The following INSYN1 variants were observed in gnomAD, a reference collection of about 807,000 sequenced individuals.
The protein encoded by INSYN1 is UPF0583 protein C15orf59.
Under a neutral mutation model 17.1 loss-of-function variants are expected in INSYN1, and 7 were observed. The observed-to-expected ratio is 0.41, with a 90% CI of 0.23 to 0.77. The LOEUF is 0.77. Among genes scored for constraint, INSYN1 ranks in the 30% least tolerant of loss-of-function variants. The probability of loss-of-function intolerance (pLI) is 0.32; values close to 1 mark genes in which losing one functional copy is unlikely to be tolerated. For missense variants in INSYN1, 339 were observed against 400.6 expected (o/e 0.85, Z 1.31); for synonymous variants, 174 against 166.3 (o/e 1.05, Z -0.36).
Position 73,735,651 on chromosome 15 carries a change from C to T in INSYN1, c.*4266G>A, listed in dbSNP as rs1313848061. 6.6e-6 allele frequency: 1 copy of T among 152,172 alleles called. No individual in the cohort carries two copies. The highest frequency in any genetic ancestry group is 2.4e-5 in the African/African-American group (1 of 41,426). 9.4% of individuals were successfully genotyped at this position (152,172 alleles called of 1,614,324 possible). On this transcript the variant is annotated 3_prime_UTR_variant, in exon 3 of 3. Transcript: ENST00000569673. ...GACGACCCAGCCCCGACCCTCACCTCCAGTGACCAGGCCACCCACTCCAGG... is the reference window on the plus strand; with the variant it reads ...GACGACCCAGCCCCGACCCTCACCTTCAGTGACCAGGCCACCCACTCCAGG...
rs1437908997 is a variant in INSYN1 at position 73,753,209 on chromosome 15, G to C, written c.-1667C>G. Among the ~76,000 whole-genome samples the C allele has an allele frequency of 6.9e-6, 1 of 144,928 alleles. No homozygotes were observed. Among genetic ancestry groups the C allele is most frequent in the Non-Finnish European group, 1.5e-5 (1 of 65,338 alleles). On this transcript the variant is annotated 5_prime_UTR_variant, in exon 1 of 3. Coordinates refer to ENST00000569673, the MANE Select transcript of INSYN1 (RefSeq NM_001039614.3). The surrounding 1 kb of genome is among the most constrained non-coding windows in gnomAD (Gnocchi z 4.2). ...CTGGGCCCGCTCCCCAAGCGCCGCG[G>C]CGCCGCGCCGCCCGCGCCCCGGCCG...
In INSYN1 at chr15:73,751,100, G is replaced by A; in HGVS notation, c.31C>T (p.Gln11Ter). The A allele has an allele frequency of 6.2e-7, 1 of 1,613,952 alleles. No homozygotes were observed. ...CCACTGCTGGGGTCGTCACTGGGCTGCCCGAGGTCCGGGGCGCCCCGAATG... is the reference window on the plus strand; with the variant it reads ...CCACTGCTGGGGTCGTCACTGGGCTACCCGAGGTCCGGGGCGCCCCGAATG... MNIRGAPDLG[Q>*]PSDDPSSGGE... The change falls in exon 2 of 3, where the codon CAG (glutamine) becomes TAG (stop). Residue 11 changes from glutamine (Q) to a stop codon, truncating the protein, a stop_gained. Coordinates refer to ENST00000569673, the MANE Select transcript of INSYN1 (RefSeq NM_001039614.3). LOFTEE classifies it high-confidence loss of function.
In INSYN1 at chr15:73,751,066, C is replaced by T. The variant is rs779868213; in HGVS notation, c.65G>A (p.Arg22Gln). 21 of 1,613,952 alleles carry T rather than the reference C, an allele frequency of 1.3e-5. No homozygotes were observed. Among genetic ancestry groups the T allele is most frequent in the Admixed American group, 1.7e-5 (1 of 60,008 alleles). The change falls in exon 2 of 3, where the codon CGG becomes CAG. Residue 22 changes from arginine to glutamine, a missense_variant. Arg to Gln is a conservative substitution (Grantham distance 43). Coordinates refer to ENST00000569673, the MANE Select transcript of INSYN1 (RefSeq NM_001039614.3). ...PSDDPSSGGERERIRQRMKMV... is the reference protein window; with the variant it reads ...PSDDPSSGGEQERIRQRMKMV... ...CTTCATGCGCTGTCGAATCCGCTCC[C>T]GCTCACCACCACTGCTGGGGTCGTC...
intron 2 of INSYN1, among the ~76,000 whole-genome samples, chr15:73,746,894 G>T (rs977353932): frequency 1.3e-5 from 2 of 152,112 alleles, no homozygotes. Context: ...AGCTTCTGGT[G>T]GGTGGGTAAC....
At chr15:73,743,542 G>C (rs986854818) in intron 2 of INSYN1, among the ~76,000 whole-genome samples, 1 of 152,064 alleles carries the variant, frequency 6.6e-6, no homozygotes, top group African/African-American at 2.4e-5. Context: ...GATATGGGCC[G>C]GGTGTGGTGG....
chr15:73,751,385 G>A lies in INSYN1; in HGVS notation c.-255C>T. The stretch of plus-strand genomic sequence containing the variant: ...GTCAAGGTGAGGACACAGGAGAGGA[G>A]GGGGAGGGACCTTGGGTCCCAGGAG... On this transcript the variant is annotated 5_prime_UTR_variant, in exon 2 of 3. Coordinates refer to ENST00000569673, the MANE Select transcript of INSYN1 (RefSeq NM_001039614.3). 1 of 511,186 alleles carries A rather than the reference G, an allele frequency of 2.0e-6. No individual in the cohort carries two copies. The highest frequency in any genetic ancestry group is 3.6e-6 in the Non-Finnish European group (1 of 281,426). The allele number at this position is 511,186 out of a possible 1,614,324, so 31.7% of individuals were successfully genotyped here. A position where few individuals can be genotyped will look rare whatever the true frequency, so the allele number is the denominator to read the frequency against.
At chr15:73,747,354 G>C (rs1901862930) in intron 2 of INSYN1, among the ~76,000 whole-genome samples, 1 of 152,206 alleles carries the variant, frequency 6.6e-6, no homozygotes, top group Non-Finnish European at 1.5e-5. Context: ...CCCCAGCCAG[G>C]AGGCCAGGAT....
Position 73,751,057 on chromosome 15 carries a change from A to G in INSYN1, c.74T>C (p.Ile25Thr). ...DPSSGGERER[I>T]RQRMKMVIGQ... ...GATGACCATCTTCATGCGCTGTCGA[A>G]TCCGCTCCCGCTCACCACCACTGCT... The change falls in exon 2 of 3, where the codon ATT becomes ACT. Residue 25 changes from isoleucine (I) to threonine (T), a missense_variant. By Grantham distance (89) the Ile-to-Thr change is moderately conservative. Transcript: ENST00000569673. 6.2e-7 allele frequency: 1 copy of G among 1,613,900 alleles called. No individual in the cohort carries two copies. The highest frequency in any genetic ancestry group is 2.2e-5 in the East Asian group (1 of 44,844).
chr15:73,741,652 G>T (rs1901695009), intron 2 of INSYN1, among the ~76,000 whole-genome samples: 1 of 152,150 alleles, frequency 6.6e-6, no homozygotes, highest in African/African-American at 2.4e-5. Flanking sequence ...AAACAAAACA[G>T]AAAAACAATG....
intron 2 of INSYN1, 152 bp from the exon 3 acceptor site, chr15:73,740,794 T>A (rs117488256): frequency 2.8e-5 from 20 of 710,466 alleles, no homozygotes; most frequent in Non-Finnish European, 4.8e-5. Flanking sequence ...GGCCTGGAGG[T>A]CACAGGTTGG....
intron 2 of INSYN1, 126 bp downstream of exon 2, chr15:73,750,848 GT>G: frequency 9.8e-7 from 1 of 1,022,118 alleles, no homozygotes. Context: ...GAGAAAGAAG[GT>G]CCCCAGTAGA....
At position 73,735,580 on chromosome 15, in the gene INSYN1, C is replaced by G. The variant is rs1901503043; in HGVS notation, c.*4337G>C. The G allele has an allele frequency of 6.6e-6, 1 of 152,132 alleles. No homozygotes were observed. Among genetic ancestry groups the G allele is most frequent in the African/African-American group, 2.4e-5 (1 of 41,428 alleles). The allele number at this position is 152,132 out of a possible 1,614,324, so 9.4% of individuals were successfully genotyped here. On this transcript the variant is annotated 3_prime_UTR_variant, in exon 3 of 3. Coordinates refer to ENST00000569673, the MANE Select transcript of INSYN1 (RefSeq NM_001039614.3). ...AAGACTGAGGCATGTTCACATGTTT[C>G]CTCACCCCAACACTCCCCTCACCCC...
intron 2 of INSYN1, among the ~76,000 whole-genome samples, chr15:73,743,365 G>A (rs978005890): frequency 1.3e-5 from 2 of 152,304 alleles, no homozygotes; most frequent in African/African-American, 4.8e-5. Flanking sequence ...CAACCTGGGG[G>A]GATGGAGGAA....
Position 73,740,268 on chromosome 15 carries a change from C to T in INSYN1, c.531G>A (p.Gln177=), listed in dbSNP as rs1277321047. Residue 177 remains glutamine, a synonymous_variant, in exon 3 of 3, where the codon CAG becomes CAA. Transcript: ENST00000569673. ...AGPTVKSQLP[Q]RTPGTRERVR... ...CCCTCTCCCGTGTCCCTGGGGTCCG[C>T]TGGGGCAGCTGGCTCTTCACCGTGG... 5.0e-6 allele frequency: 8 copies of T among 1,613,772 alleles called. No homozygotes were observed. Among genetic ancestry groups the T allele is most frequent in the African/African-American group, 2.7e-5 (2 of 74,936 alleles).
Position 73,737,745 on chromosome 15 carries a change from C to T in INSYN1, c.*2172G>A, listed in dbSNP as rs577328303. ...TACAATCTCACTGTATGTCCACAGC[C>T]GGGGCTGGATAGCACCTCTTCAGGC... On this transcript the variant is annotated 3_prime_UTR_variant, in exon 3 of 3. Transcript: ENST00000569673. 24 of 152,454 alleles carry T rather than the reference C, an allele frequency of 1.6e-4. No homozygotes were observed. Among genetic ancestry groups the T allele is most frequent in the East Asian group, 1.5e-3 (8 of 5,192 alleles). The allele number at this position is 152,454 out of a possible 1,614,324, so 9.4% of individuals were successfully genotyped here.
chr15:73,740,631 C>T lies in INSYN1; in HGVS notation c.168G>A (p.Gln56=). The change falls in exon 3 of 3, where the codon CAG becomes CAA. Residue 56 remains glutamine, a synonymous_variant. Coordinates refer to ENST00000569673, the MANE Select transcript of INSYN1 (RefSeq NM_001039614.3). ...CGAAGTCCGAGGTTAGCTTATCGATCTGGCTCACCACCTGACCAGGGAAGG... is the reference window on the plus strand; with the variant it reads ...CGAAGTCCGAGGTTAGCTTATCGATTTGGCTCACCACCTGACCAGGGAAGG... ...VAKELREVVS[Q]IDKLTSDFDF... is the part of the protein sequence containing the mutation. 1 of 1,609,206 alleles carries T rather than the reference C, an allele frequency of 6.2e-7. No individual in the cohort carries two copies. The highest frequency in any genetic ancestry group is 8.5e-7 in the Non-Finnish European group (1 of 1,177,060).
At chr15:73,742,974 G>C (rs1901726985) in intron 2 of INSYN1, among the ~76,000 whole-genome samples, 1 of 152,246 alleles carries the variant, frequency 6.6e-6, no homozygotes, top group Non-Finnish European at 1.5e-5. Context: ...TAGGGCACTG[G>C]GAGATTTAAG....
chr15:73,748,894 C>T lies in INSYN1; in HGVS notation c.156+2081G>A, dbSNP rs558716518. Among the ~76,000 whole-genome samples, 11 of 152,308 alleles carry T rather than the reference C, an allele frequency of 7.2e-5. No individual in the cohort carries two copies. In the South Asian group the frequency reaches 1.2e-3, roughly 17 times the overall value. On this transcript the variant is annotated intron_variant, in intron 2 of 2. Coordinates refer to ENST00000569673, the MANE Select transcript of INSYN1 (RefSeq NM_001039614.3). ...TCCCCCAGCTGGGTGCCATTGGCAG[C>T]GGGCAGGCAGTGGCATACGGGGTAG...
chr15:73,740,216 G>A lies in INSYN1; in HGVS notation c.583C>T (p.His195Tyr), dbSNP rs774829006. The A allele has an allele frequency of 6.2e-7, 1 of 1,614,088 alleles. No homozygotes were observed. Among genetic ancestry groups the A allele is most frequent in the Admixed American group, 1.7e-5 (1 of 60,026 alleles). The change falls in exon 3 of 3, where the codon CAT (histidine) becomes TAT (tyrosine). Residue 195 changes from histidine (H) to tyrosine (Y), a missense_variant. His to Tyr is a moderately conservative substitution (Grantham distance 83, BLOSUM62 2). Coordinates refer to ENST00000569673, the MANE Select transcript of INSYN1 (RefSeq NM_001039614.3). Reference protein sequence around the residue: ...RVRFSDKVLYHALCCDDEEGD... With the variant: ...RVRFSDKVLYYALCCDDEEGD... ...TCCTCATCGTCACAGCACAGAGCATGGTAGAGCACTTTGTCACTGAACCGC... is the reference window on the plus strand; with the variant it reads ...TCCTCATCGTCACAGCACAGAGCATAGTAGAGCACTTTGTCACTGAACCGC...
Sources: allele counts gnomAD v4.1 joint callset (sites outside exome capture counted in the v4.1 genomes callset), GRCh38; gene constraint gnomAD v4.1.1; non-coding constraint Gnocchi (gnomAD v3.1); transcripts MANE v1.5; gene names NCBI Gene and HGNC (gene_info 2026-07-23, HGNC 2026-07-21).